Variants in CADM2 observed in about 807,000 individuals in gnomAD.
CADM2 encodes cell adhesion molecule 2, also known as immunoglobulin superfamily member 4D.
Under a neutral mutation model 49.8 loss-of-function variants are expected in CADM2, and 12 were observed. That is an observed-to-expected ratio of 0.24 (90% CI 0.15 to 0.39). CADM2 has a LOEUF of 0.39. Among genes scored for constraint, CADM2 ranks in the 10% least tolerant of loss-of-function variants. The probability of loss-of-function intolerance (pLI) is 1.00; values close to 1 mark genes in which losing one functional copy is unlikely to be tolerated. For synonymous variants in CADM2, 214 were observed against 175.4 expected, an observed-to-expected ratio of 1.22 and a Z score of -1.74; for missense variants, 378 against 492.3, an observed-to-expected ratio of 0.77 and a Z score of 2.20.
Position 84,959,400 on chromosome 3 carries a change from T to G in CADM2, c.-208T>G, listed in dbSNP as rs2030218313. 1.7e-6 allele frequency: 1 copy of G among 582,404 alleles called. No homozygotes were observed. Among genetic ancestry groups the G allele is most frequent in the Non-Finnish European group, 3.1e-6 (1 of 327,500 alleles). The allele number at this position is 582,404 out of a possible 1,614,324, so 36.1% of individuals were successfully genotyped here. A position where few individuals can be genotyped will look rare whatever the true frequency, so the allele number is the denominator to read the frequency against. Reference sequence around the variant, plus strand: ...AGGAGGAGGAGGAGAAGAAACTATTTCGCGATACCCCATTCTGCGGGTGCT... The same window carrying G: ...AGGAGGAGGAGGAGAAGAAACTATTGCGCGATACCCCATTCTGCGGGTGCT... On this transcript the variant is annotated 5_prime_UTR_variant, in exon 1 of 10. Transcript: ENST00000383699.
At chr3:85,316,144 C>A (rs1176762370) in intron 1 of CADM2, among the ~76,000 whole-genome samples, 3 of 152,240 alleles carry the variant, frequency 2.0e-5, no homozygotes, top group African/African-American at 7.2e-5. Context: ...ATCTCTCTGT[C>A]TTTTATTAAT....
At chr3:85,881,952 A>C (rs879313193) in intron 3 of CADM2, among the ~76,000 whole-genome samples, 3 of 152,106 alleles carry the variant, frequency 2.0e-5, no homozygotes, top group Non-Finnish European at 4.4e-5. Context: ...TCCTATAAGA[A>C]GTGCCCCTGC....
intron 1 of CADM2, among the ~76,000 whole-genome samples, chr3:85,662,129 A>T (rs1313549757): frequency 6.6e-6 from 1 of 151,954 alleles, no homozygotes; most frequent in African/African-American, 2.4e-5. Context: ...TAACCATATC[A>T]CATACAATGC....
intron 1 of CADM2, among the ~76,000 whole-genome samples, chr3:85,365,610 C>G (rs1482556191): frequency 6.6e-6 from 1 of 151,912 alleles, no homozygotes; most frequent in Admixed American, 6.6e-5. Flanking sequence ...AATGACAAGC[C>G]TCTGTGTTGT....
At chr3:85,885,050 A>G (rs996194038) in intron 4 of CADM2, among the ~76,000 whole-genome samples, 6 of 151,930 alleles carry the variant, frequency 3.9e-5, no homozygotes, top group Admixed American at 3.9e-4. Flanking sequence ...ATTCTTTTTA[A>G]GCTTTAAGAA....
chr3:85,386,731 C>A (rs1300311500), intron 1 of CADM2, among the ~76,000 whole-genome samples: 1 of 152,086 alleles, frequency 6.6e-6, no homozygotes, highest in Non-Finnish European at 1.5e-5. Flanking sequence ...TGAATACTAC[C>A]TTTTGCATGT....
intron 1 of CADM2, among the ~76,000 whole-genome samples, chr3:85,309,595 C>T (rs889722574): frequency 3.3e-5 from 5 of 152,066 alleles, no homozygotes; most frequent in Non-Finnish European, 7.4e-5. Context: ...GCTATTTTTG[C>T]CTTTATTGTT....
chr3:86,064,274 C>CA (rs1739051717), intron 8 of CADM2, among the ~76,000 whole-genome samples: 1 of 151,878 alleles, frequency 6.6e-6, no homozygotes, highest in Admixed American at 6.6e-5. Context: ...TCTCATTGTT[C>CA]ATTCCCACCT....
chr3:85,136,653 A>G (rs1389811171), intron 1 of CADM2, among the ~76,000 whole-genome samples: 2 of 151,996 alleles, frequency 1.3e-5, no homozygotes, highest in African/African-American at 4.8e-5. Context: ...TTTACAATCT[A>G]ACTGCAAGTT....
In CADM2 at chr3:85,174,456, C is replaced by T. The variant is rs144888359; in HGVS notation, c.61+214788C>T. Among the ~76,000 whole-genome samples, 22 of 151,394 alleles carry T rather than the reference C, an allele frequency of 1.5e-4. No homozygotes were observed. The East Asian group carries it at 4.1e-3, about 28-fold the overall frequency. On this transcript the variant is annotated intron_variant, in intron 1 of 9. Coordinates refer to ENST00000383699, the MANE Select transcript of CADM2 (RefSeq NM_001167675.2). ...TTAATGTGAGGTGACTTTTCCTTAC[C>T]AGAAAATTTCTGCTGAAATTTCTTA...
chr3:85,267,686 G>GA (rs2043151721), intron 1 of CADM2, among the ~76,000 whole-genome samples: 1 of 151,430 alleles, frequency 6.6e-6, no homozygotes. Context: ...TTAGTTGAAT[G>GA]AACTAATAAT....
intron 2 of CADM2, among the ~76,000 whole-genome samples, chr3:85,777,106 TCTTA>T (rs778917485): frequency 9.2e-5 from 14 of 152,066 alleles, no homozygotes; most frequent in Non-Finnish European, 1.8e-4. Flanking sequence ...TATTTCTTTC[TCTTA>T]CTTTCATCTA....
At chr3:85,459,142 G>T (rs2038124080) in intron 1 of CADM2, among the ~76,000 whole-genome samples, 1 of 152,096 alleles carries the variant, frequency 6.6e-6, no homozygotes, top group Non-Finnish European at 1.5e-5. Context: ...AAAGTCACTT[G>T]AACAATAATA....
At chr3:85,088,874 A>G (rs1039082419) in intron 1 of CADM2, among the ~76,000 whole-genome samples, 11 of 152,130 alleles carry the variant, frequency 7.2e-5, no homozygotes, top group Non-Finnish European at 1.6e-4. Flanking sequence ...ATTTACATCG[A>G]TGCTCTCAGC....
chr3:86,030,687 G>A (rs1734453123), intron 8 of CADM2, among the ~76,000 whole-genome samples: 4 of 151,760 alleles, frequency 2.6e-5, no homozygotes, highest in African/African-American at 9.7e-5. Context: ...GATTATATAA[G>A]GTCAACGCTA....
At chr3:85,292,963 G>C (rs1482303381) in intron 1 of CADM2, among the ~76,000 whole-genome samples, 2 of 151,892 alleles carry the variant, frequency 1.3e-5, no homozygotes, top group Non-Finnish European at 2.9e-5. Flanking sequence ...AGGAAATAGA[G>C]ACACAAAAAG....
chr3:85,510,231 A>G (rs2040552425), intron 1 of CADM2, among the ~76,000 whole-genome samples: 1 of 152,044 alleles, frequency 6.6e-6, no homozygotes, highest in South Asian at 2.1e-4. Context: ...TTCCTGCTTT[A>G]GAATTCTTCA....
At chr3:85,664,441 A>T (rs537102878) in intron 1 of CADM2, among the ~76,000 whole-genome samples, 7 of 152,026 alleles carry the variant, frequency 4.6e-5, no homozygotes, top group Middle Eastern at 3.4e-3. Context: ...AAGGACAAAA[A>T]ACTTGGAAGC....
intron 1 of CADM2, among the ~76,000 whole-genome samples, chr3:85,107,611 T>C (rs61330628): frequency 7.2e-5 from 10 of 138,168 alleles, no homozygotes; most frequent in Non-Finnish European, 1.5e-4. Context: ...CTCTTTCTTT[T>C]TCTTTCTTTC....
Sources: allele counts gnomAD v4.1 joint callset (sites outside exome capture counted in the v4.1 genomes callset), GRCh38; gene constraint gnomAD v4.1.1; transcripts MANE v1.5; gene names NCBI Gene and HGNC (gene_info 2026-07-23, HGNC 2026-07-21).